The following MCPH1 variants were observed in gnomAD, a reference collection of about 807,000 sequenced individuals.
The protein encoded by MCPH1 is microcephalin.
Under a neutral mutation model 84.5 loss-of-function variants are expected in MCPH1, and 104 were observed. That is an observed-to-expected ratio of 1.23 (90% CI 1.05 to 1.45). The LOEUF (loss-of-function observed/expected upper bound fraction) is 1.45. Among genes scored for constraint, MCPH1 ranks in the 40% most tolerant of loss-of-function variants. The probability of loss-of-function intolerance (pLI) is 0.00; values close to 1 mark genes in which losing one functional copy is unlikely to be tolerated. For missense variants in MCPH1, 1,498 were observed against 1,005.7 expected, an observed-to-expected ratio of 1.49 and a Z score of -6.62; for synonymous variants, 514 against 366.8, an observed-to-expected ratio of 1.40 and a Z score of -4.58.
rs199951156 is a variant in MCPH1 at position 6,445,216 on chromosome 8, C to T, written c.1494C>T (p.Cys498=). The change falls in exon 8 of 14, where the codon TGC becomes TGT. Residue 498 remains cysteine, a synonymous_variant. Coordinates refer to ENST00000344683, the MANE Select transcript of MCPH1 (RefSeq NM_024596.5). ...GTGAAGGCCGTGCAACTTCGAGTTG[C>T]GTGACTTCTGCCCCTGAAGAAGCCC... ...GNGEGRATSS[C]VTSAPEEALR... 1.4e-5 allele frequency: 23 copies of T among 1,614,214 alleles called. No homozygotes were observed. Among genetic ancestry groups the T allele is most frequent in the African/African-American group, 2.7e-5 (2 of 75,056 alleles).
At chr8:6,611,543 C>G (rs1830264934) in intron 12 of MCPH1, among the ~76,000 whole-genome samples, 1 of 152,236 alleles carries the variant, frequency 6.6e-6, no homozygotes, top group Admixed American at 6.5e-5. Context: ...AGCTGCCATG[C>G]CCTCTCAGGG....
intron 3 of MCPH1, among the ~76,000 whole-genome samples, chr8:6,426,047 A>T (rs555658621): frequency 1.4e-4 from 21 of 152,252 alleles, no homozygotes; most frequent in Non-Finnish European, 2.5e-4. Context: ...AATTAAGGGG[A>T]CTTTTTAAAA....
rs770754818 is a variant in MCPH1, at chr8:6,499,936, C to T, written c.2214+7C>T. ...CCACTTCCCTGCAGCTCCCGTAAGT[C>T]AGATGTTGTTTTACGATGGTAAATG... On this transcript the variant is annotated splice_region_variant and intron_variant, in intron 12 of 13. Transcript: ENST00000344683. 6.2e-7 allele frequency: 1 copy of T among 1,612,220 alleles called. No homozygotes were observed. The highest frequency in any genetic ancestry group is 1.7e-5 in the Admixed American group (1 of 60,016).
chr8:6,535,002 G>C (rs1820234562), intron 12 of MCPH1, among the ~76,000 whole-genome samples: 1 of 152,208 alleles, frequency 6.6e-6, no homozygotes, highest in African/African-American at 2.4e-5. Flanking sequence ...CCCCAGCCAA[G>C]ATAATATTTA....
At chr8:6,590,059 C>G (rs1161282052) in intron 12 of MCPH1, among the ~76,000 whole-genome samples, 4 of 152,124 alleles carry the variant, frequency 2.6e-5, no homozygotes, top group Non-Finnish European at 5.9e-5. Flanking sequence ...TGCACATTAG[C>G]ACGTTCTTTA....
intron 13 of MCPH1, among the ~76,000 whole-genome samples, chr8:6,628,058 C>G (rs1006944388): frequency 6.6e-6 from 1 of 152,074 alleles, no homozygotes; most frequent in Non-Finnish European, 1.5e-5. Flanking sequence ...ATTGGTCAAA[C>G]TAATGGTCCT....
intron 12 of MCPH1, among the ~76,000 whole-genome samples, chr8:6,594,930 T>A (rs1828806647): frequency 6.6e-6 from 1 of 152,232 alleles, no homozygotes; most frequent in South Asian, 2.1e-4. Context: ...GGCTCCATAA[T>A]GGTTTTAAAC....
intron 12 of MCPH1, among the ~76,000 whole-genome samples, chr8:6,530,897 C>G (rs190084994): frequency 6.6e-6 from 1 of 152,352 alleles, no homozygotes; most frequent in Admixed American, 6.5e-5. Flanking sequence ...CATCTCCCCT[C>G]TCATGTCCTC....
chr8:6,503,119 G>A (rs765336180), intron 12 of MCPH1: 2 of 1,614,044 alleles, frequency 1.2e-6, no homozygotes, highest in African/African-American at 1.3e-5. Context: ...CTGCTGGTCG[G>A]ATCATCATGG....
At chr8:6,509,488 A>C (rs919049937) in intron 12 of MCPH1, among the ~76,000 whole-genome samples, 1 of 152,222 alleles carries the variant, frequency 6.6e-6, no homozygotes, top group Non-Finnish European at 1.5e-5. Flanking sequence ...GGGATGGAGA[A>C]TGCAGCAGAC....
At chr8:6,420,986 T>A (rs1022275861) in intron 3 of MCPH1, among the ~76,000 whole-genome samples, 1 of 152,160 alleles carries the variant, frequency 6.6e-6, no homozygotes, top group Admixed American at 6.5e-5. Flanking sequence ...CAGGCGGGCA[T>A]GGAGGTCTAA....
intron 12 of MCPH1, among the ~76,000 whole-genome samples, chr8:6,515,289 G>A (rs144427712): frequency 5.9e-5 from 9 of 152,180 alleles, no homozygotes; most frequent in African/African-American, 9.6e-5. Context: ...TTACATTCTC[G>A]TACTGTGGGG....
At chr8:6,640,093 T>C (rs1306270954) in intron 13 of MCPH1, among the ~76,000 whole-genome samples, 18 of 141,702 alleles carry the variant, frequency 1.3e-4, no homozygotes, top group African/African-American at 3.8e-4. Flanking sequence ...TGTGTGTGTG[T>C]GTGTGCGCGC....
At chr8:6,531,297 T>C (rs1167305644) in intron 12 of MCPH1, among the ~76,000 whole-genome samples, 12 of 147,398 alleles carry the variant, frequency 8.1e-5, no homozygotes, top group South Asian at 4.3e-4. Flanking sequence ...TTCTTTCTTT[T>C]TTTTTTTTTG....
chr8:6,450,583 C>A (rs1804978120), intron 8 of MCPH1, among the ~76,000 whole-genome samples: 1 of 150,978 alleles, frequency 6.6e-6, no homozygotes, highest in Admixed American at 6.6e-5. Context: ...ATTCAGTGTT[C>A]TTGAATCCAT....
intron 12 of MCPH1, among the ~76,000 whole-genome samples, chr8:6,604,523 G>C (rs1453138414): frequency 6.6e-6 from 1 of 152,168 alleles, no homozygotes; most frequent in Non-Finnish European, 1.5e-5. Context: ...TTGTTGTTTT[G>C]AGACGGAGTC....
chr8:6,474,087 C>T (rs1585982657), intron 9 of MCPH1: 1 of 779,098 alleles, frequency 1.3e-6, no homozygotes, highest in Non-Finnish European at 2.4e-6. Flanking sequence ...AACACAAAAA[C>T]TATGTGAAAC....
In MCPH1 at chr8:6,643,047, T is replaced by C; in HGVS notation, c.2506T>C (p.Ter836ArgextTer2). 1 of 1,613,748 alleles carries C rather than the reference T, an allele frequency of 6.2e-7. No individual in the cohort carries two copies. Among genetic ancestry groups the C allele is most frequent in the Non-Finnish European group, 8.5e-7 (1 of 1,179,646 alleles). ...CCCTGAAAACTACCTATTGTCACAA[T>C]GACAGTGACCTCACTGGCCTGTGGT... is the stretch of plus-strand genomic sequence containing the variant. ...CAPENYLLSQ[*>R] The change falls in exon 14 of 14, where the codon TGA (stop) becomes CGA (arginine). Residue 836 changes from the stop codon to arginine, a stop_lost. Coordinates refer to ENST00000344683, the MANE Select transcript of MCPH1 (RefSeq NM_024596.5).
At chr8:6,488,291 A>T (rs1271212239) in intron 11 of MCPH1, among the ~76,000 whole-genome samples, 1 of 152,258 alleles carries the variant, frequency 6.6e-6, no homozygotes, top group African/African-American at 2.4e-5. Context: ...TCCCAGGACC[A>T]TAATCTGCTG....
Sources: gnomAD v4.1 joint callset for allele counts (sites outside exome capture counted in the v4.1 genomes callset) on GRCh38, gnomAD v4.1.1 for gene constraint, MANE v1.5 for transcripts, NCBI Gene and HGNC (gene_info 2026-07-23, HGNC 2026-07-21) for gene names.